The following CEP85L variants were observed in gnomAD, a reference collection of about 807,000 sequenced individuals.
CEP85L encodes the protein centrosomal protein of 85 kDa-like.
CEP85L carries 60 observed loss-of-function variants against 100.3 expected under a neutral mutation model. The observed-to-expected ratio is 0.60, with a 90% CI of 0.49 to 0.74. The LOEUF (loss-of-function observed/expected upper bound fraction) is 0.74. Among genes scored for constraint, CEP85L ranks in the 30% least tolerant of loss-of-function variants. CEP85L has a pLI of 0.00. For missense variants in CEP85L, 973 were observed against 936.2 expected (o/e 1.04, Z -0.51); for synonymous variants, 319 against 322.7 (o/e 0.99, Z 0.12).
chr6:118,550,987 CT>C (rs1302837917), intron 3 of CEP85L, among the ~76,000 whole-genome samples: 1 of 151,774 alleles, frequency 6.6e-6, no homozygotes, highest in African/African-American at 2.4e-5. Flanking sequence ...ACTGCACAGA[CT>C]TTAAAAAAAA....
intron 1 of CEP85L, among the ~76,000 whole-genome samples, chr6:118,658,795 G>GT (rs1775878893): frequency 6.6e-6 from 1 of 152,006 alleles, no homozygotes; most frequent in South Asian, 2.1e-4. Context: ...TATCTCAAAA[G>GT]TTTAACACAT....
At chr6:118,709,465 A>G (rs1436470773) in intron 1 of CEP85L, among the ~76,000 whole-genome samples, 1 of 151,466 alleles carries the variant, frequency 6.6e-6, no homozygotes. Context: ...TTTTGGCGAC[A>G]GAGCAGCTAG....
intron 1 of CEP85L, among the ~76,000 whole-genome samples, chr6:118,696,264 CA>C (rs911027238): frequency 1.2e-4 from 16 of 136,684 alleles, no homozygotes; most frequent in African/African-American, 4.4e-4. Flanking sequence ...GACTCTGTCT[CA>C]AAAAAAAAGA....
intron 4 of CEP85L, among the ~76,000 whole-genome samples, chr6:118,514,258 C>T (rs1343751013): frequency 6.6e-6 from 1 of 152,124 alleles, no homozygotes; most frequent in Non-Finnish European, 1.5e-5. Flanking sequence ...GGCACAGTGG[C>T]TCACATCTGT....
At chr6:118,467,966 G>A (rs1772653414) in intron 12 of CEP85L, among the ~76,000 whole-genome samples, 1 of 152,108 alleles carries the variant, frequency 6.6e-6, no homozygotes, top group Non-Finnish European at 1.5e-5. Flanking sequence ...TAATAATTTG[G>A]TTAATGTGTG....
chr6:118,618,969 A>G (rs1045398041), intron 2 of CEP85L, among the ~76,000 whole-genome samples: 1 of 152,064 alleles, frequency 6.6e-6, no homozygotes, highest in Non-Finnish European at 1.5e-5. Context: ...CTAGTGGTCA[A>G]TGGGTGCACG....
intron 3 of CEP85L, among the ~76,000 whole-genome samples, chr6:118,535,895 CT>C (rs1287829160): frequency 2.0e-5 from 3 of 150,900 alleles, no homozygotes; most frequent in African/African-American, 7.4e-5. Context: ...TATTAAAGGA[CT>C]ACTGTATACA....
intron 10 of CEP85L, among the ~76,000 whole-genome samples, 155 bp from the exon 11 acceptor site, chr6:118,470,799 T>C (rs551156023): frequency 6.6e-6 from 1 of 152,256 alleles, no homozygotes; most frequent in East Asian, 1.9e-4. Flanking sequence ...AACTAATCCC[T>C]ATCAGTTAGA....
chr6:118,707,723 G>T (rs1297022627), intron 1 of CEP85L, among the ~76,000 whole-genome samples: 1 of 151,916 alleles, frequency 6.6e-6, no homozygotes, highest in African/African-American at 2.4e-5. Context: ...TATACTTTTT[G>T]CTTGTAAATA....
chr6:118,642,171 T>C (rs1054880630), intron 1 of CEP85L, among the ~76,000 whole-genome samples: 1 of 152,150 alleles, frequency 6.6e-6, no homozygotes, highest in Non-Finnish European at 1.5e-5. Flanking sequence ...ATACATAAAA[T>C]AGGAGCATTT....
At chr6:118,649,684 A>C (rs1257561166) in intron 1 of CEP85L, among the ~76,000 whole-genome samples, 1 of 152,188 alleles carries the variant, frequency 6.6e-6, no homozygotes, top group African/African-American at 2.4e-5. Context: ...AATAATCTGT[A>C]AACTCGGGAA....
intron 6 of CEP85L, 97 bp from the exon 7 acceptor site, chr6:118,483,955 C>G: frequency 9.0e-7 from 1 of 1,107,570 alleles, no homozygotes; most frequent in South Asian, 1.6e-5. Flanking sequence ...AATTCACCAA[C>G]AGTTTCAGGT....
rs1051084983 is a variant in CEP85L, at chr6:118,537,626, T to C, written c.1021-13706A>G. 11 of 985,336 alleles carry C rather than the reference T, an allele frequency of 1.1e-5. No homozygotes were observed. In the Admixed American group the frequency reaches 1.8e-4, roughly 17 times the overall value. 61.0% of individuals were successfully genotyped at this position (985,336 alleles called of 1,614,324 possible). ...CTACTTAGATGAGATCCGGATACTA[T>C]GAAAAGTTGCCAAAATATGTCACTT... On this transcript the variant is annotated intron_variant, in intron 3 of 12. Transcript: ENST00000368491.
At chr6:118,547,184 T>A (rs970866614) in intron 3 of CEP85L, among the ~76,000 whole-genome samples, 2 of 152,124 alleles carry the variant, frequency 1.3e-5, no homozygotes, top group African/African-American at 4.8e-5. Context: ...TCGAGTGTGG[T>A]GACTTAAGTA....
At chr6:118,537,460 C>G in intron 3 of CEP85L, 1 of 953,820 alleles carries the variant, frequency 1.0e-6, no homozygotes, top group Non-Finnish European at 1.2e-6. Flanking sequence ...TGTTCTCTAC[C>G]CTAATGTAGG....
At chr6:118,465,819 G>A (rs1213179335) in intron 12 of CEP85L, among the ~76,000 whole-genome samples, 1 of 152,016 alleles carries the variant, frequency 6.6e-6, no homozygotes, top group Non-Finnish European at 1.5e-5. Flanking sequence ...CATGTTTAAT[G>A]GGTAACAATA....
rs150166327 is a variant in CEP85L at position 118,488,158 on chromosome 6, G to C, written c.1437+3528C>G. On this transcript the variant is annotated intron_variant, in intron 6 of 12. Coordinates refer to ENST00000368491, the MANE Select transcript of CEP85L (RefSeq NM_001042475.3). ...TAATATACAAGTATCAACTTAAAGAGGGAGGAAAAATTAACACACAGGGAA... is the reference window on the plus strand; with the variant it reads ...TAATATACAAGTATCAACTTAAAGACGGAGGAAAAATTAACACACAGGGAA... 3.7e-4 allele frequency among the ~76,000 whole-genome samples: 57 copies of C among 152,042 alleles called. No individual in the cohort carries two copies. In the East Asian group the frequency reaches 0.011, roughly 28 times the overall value.
chr6:118,530,342 G>C (rs1458929722), intron 3 of CEP85L, among the ~76,000 whole-genome samples: 4 of 150,194 alleles, frequency 2.7e-5, no homozygotes, highest in Middle Eastern at 3.2e-3. Context: ...CAACGAACTA[G>C]GCATTGAAGG....
At position 118,510,279 on chromosome 6, in the gene CEP85L, A is replaced by C. The variant is rs527565026; in HGVS notation, c.1257+1019T>G. Among the ~76,000 whole-genome samples, 7 of 152,246 alleles carry C rather than the reference A, an allele frequency of 4.6e-5. No homozygotes were observed. The South Asian group carries it at 1.4e-3, about 32-fold the overall frequency. On this transcript the variant is annotated intron_variant, in intron 5 of 12. Coordinates refer to ENST00000368491, the MANE Select transcript of CEP85L (RefSeq NM_001042475.3). ...TTACATAGAGGAAAAGGAAATAATA[A>C]TATAAACAAAATATTGAGACAAAAT... is the stretch of plus-strand genomic sequence containing the variant.
Sources: allele counts gnomAD v4.1 joint callset (sites outside exome capture counted in the v4.1 genomes callset), GRCh38; gene constraint gnomAD v4.1.1; transcripts MANE v1.5; gene names NCBI Gene and HGNC (gene_info 2026-07-23, HGNC 2026-07-21).